Variants in RALGPS2 observed in about 807,000 individuals in gnomAD.
RALGPS2 encodes Ral GEF with PH domain and SH3 binding motif 2.
In RALGPS2, 43 loss-of-function variants were observed where a neutral mutation model predicts 86.8. That is an observed-to-expected ratio of 0.50 (90% confidence interval 0.39 to 0.64). The LOEUF (loss-of-function observed/expected upper bound fraction) is 0.64. Among genes scored for constraint, RALGPS2 ranks in the 30% least tolerant of loss-of-function variants. RALGPS2 has a pLI of 0.00. For synonymous variants in RALGPS2, 243 were observed against 231.3 expected, an observed-to-expected ratio of 1.05 and a Z score of -0.46; for missense variants, 536 against 694.6, an observed-to-expected ratio of 0.77 and a Z score of 2.57.
At chr1:178,905,491 C>A (rs755409071) in intron 18 of RALGPS2, among the ~76,000 whole-genome samples, 26 of 151,958 alleles carry the variant, frequency 1.7e-4, no homozygotes, top group Non-Finnish European at 3.5e-4. Flanking sequence ...GCAAGTGTAA[C>A]GGTGTTACTT....
Position 178,811,300 on chromosome 1 carries a change from A to C in RALGPS2, c.298-15A>C. 6.6e-7 allele frequency: 1 copy of C among 1,513,686 alleles called. No individual in the cohort carries two copies. Among genetic ancestry groups the C allele is most frequent in the Non-Finnish European group, 8.8e-7 (1 of 1,133,268 alleles). 93.8% of individuals were successfully genotyped at this position (1,513,686 alleles called of 1,614,324 possible). On this transcript the variant is annotated splice_polypyrimidine_tract_variant and intron_variant, in intron 5 of 19. Coordinates refer to ENST00000367635, the MANE Select transcript of RALGPS2 (RefSeq NM_152663.5). ...AAAAATCATAGTGATATTTATTTAA[A>C]ATTTTTATTTACAGGTAAGCTTTTG... is the stretch of plus-strand genomic sequence containing the variant.
intron 1 of RALGPS2, among the ~76,000 whole-genome samples, chr1:178,770,838 G>GT (rs1276426119): frequency 0.044 from 4,874 of 109,528 alleles, 291 homozygotes; most frequent in African/African-American, 0.14. Flanking sequence ...TGTTGTTGTT[G>GT]TTTTTTTTTT....
rs1558185685 is a variant in RALGPS2 at position 178,917,035 on chromosome 1, TGTA to T, written c.*680_*682del. On this transcript the variant is annotated 3_prime_UTR_variant, in exon 20 of 20. Coordinates refer to ENST00000367635, the MANE Select transcript of RALGPS2 (RefSeq NM_152663.5). ...TTTTTTAAACACTAAACTTCTGAAA[TGTA>T]GTACTGTAAGGGGAACATTATTTCC... 1 of 152,174 alleles carries T rather than the reference TGTA, an allele frequency of 6.6e-6. No individual in the cohort carries two copies. The highest frequency in any genetic ancestry group is 6.5e-5 in the Admixed American group (1 of 15,270). The allele number at this position is 152,174 out of a possible 1,614,324, so 9.4% of individuals were successfully genotyped here.
chr1:178,764,571 TA>T (rs1171570796), intron 1 of RALGPS2, among the ~76,000 whole-genome samples: 2 of 152,222 alleles, frequency 1.3e-5, no homozygotes, highest in African/African-American at 4.8e-5. Flanking sequence ...CCTGTGTACT[TA>T]AGTGTATTTT....
intron 1 of RALGPS2, among the ~76,000 whole-genome samples, chr1:178,748,227 A>G (rs1651449583): frequency 6.6e-6 from 1 of 151,366 alleles, no homozygotes; most frequent in African/African-American, 2.4e-5. Context: ...GGCTGAGGCA[A>G]GATGATCCCT....
intron 8 of RALGPS2, among the ~76,000 whole-genome samples, chr1:178,861,962 C>T (rs192955780): frequency 1.1e-3 from 162 of 151,826 alleles, no homozygotes; most frequent in African/African-American, 3.6e-3. Flanking sequence ...AACCTCCGCC[C>T]CCCAGGTTCA....
At chr1:178,780,099 A>C (rs909898022) in intron 2 of RALGPS2, among the ~76,000 whole-genome samples, 5 of 152,198 alleles carry the variant, frequency 3.3e-5, no homozygotes, top group Non-Finnish European at 5.9e-5. Context: ...TCTGCTAGCA[A>C]GACAGAAGTT....
chr1:178,790,120 T>C (rs1653880384), intron 4 of RALGPS2, among the ~76,000 whole-genome samples: 1 of 152,026 alleles, frequency 6.6e-6, no homozygotes, highest in South Asian at 2.1e-4. Flanking sequence ...GGCTAATTTT[T>C]TATTTTATTT....
At chr1:178,857,925 A>G (rs1432362625) in intron 8 of RALGPS2, among the ~76,000 whole-genome samples, 1 of 152,146 alleles carries the variant, frequency 6.6e-6, no homozygotes, top group Non-Finnish European at 1.5e-5. Flanking sequence ...TTAAAGCAAA[A>G]TAGAGAGTTC....
intron 2 of RALGPS2, among the ~76,000 whole-genome samples, chr1:178,783,545 G>A (rs900836966): frequency 3.9e-5 from 6 of 152,124 alleles, no homozygotes; most frequent in Non-Finnish European, 7.4e-5. Context: ...TACTAAAAGG[G>A]AGGAAAAGCA....
At chr1:178,788,772 C>T (rs868166546) in intron 4 of RALGPS2, among the ~76,000 whole-genome samples, 1 of 151,604 alleles carries the variant, frequency 6.6e-6, no homozygotes, top group South Asian at 2.1e-4. Flanking sequence ...GGTTTTAAGT[C>T]GCTCTTTTTT....
At chr1:178,811,714 T>C (rs1289130101) in intron 6 of RALGPS2, among the ~76,000 whole-genome samples, 1 of 152,214 alleles carries the variant, frequency 6.6e-6, no homozygotes, top group Non-Finnish European at 1.5e-5. Context: ...ATTGGACTAT[T>C]CTGCAGGTGA....
chr1:178,879,122 A>G (rs1450551120), intron 10 of RALGPS2, 130 bp downstream of exon 10: 4 of 1,323,070 alleles, frequency 3.0e-6, no homozygotes, highest in Non-Finnish European at 4.0e-6. Flanking sequence ...TACAGCAGTA[A>G]AGGTACTAAC....
intron 7 of RALGPS2, among the ~76,000 whole-genome samples, chr1:178,829,783 C>A (rs1220386551): frequency 2.6e-5 from 4 of 151,892 alleles, no homozygotes; most frequent in Admixed American, 2.6e-4. Flanking sequence ...CTCGCTCTAT[C>A]ACCCAGGCTG....
chr1:178,754,409 A>G (rs1192823978), intron 1 of RALGPS2, among the ~76,000 whole-genome samples: 2 of 152,164 alleles, frequency 1.3e-5, no homozygotes, highest in African/African-American at 4.8e-5. Flanking sequence ...AAGGCCTGAA[A>G]AGCAGGAGAG....
At chr1:178,831,622 G>A (rs187364669) in intron 7 of RALGPS2, among the ~76,000 whole-genome samples, 3,913 of 144,938 alleles carry the variant, frequency 0.027, 82 homozygotes, top group Middle Eastern at 0.057. Flanking sequence ...TATTTTGTCC[G>A]CCCCGCCCCC....
At chr1:178,766,243 C>T (rs775290049) in intron 1 of RALGPS2, among the ~76,000 whole-genome samples, 5 of 152,148 alleles carry the variant, frequency 3.3e-5, no homozygotes, top group Admixed American at 6.5e-5. Flanking sequence ...TGGCTTCAGC[C>T]GGTTCTTCCA....
rs1479541594 is a variant in RALGPS2 at position 178,885,081 on chromosome 1, G to A, written c.910G>A (p.Glu304Lys). The A allele has an allele frequency of 1.9e-6, 3 of 1,584,288 alleles. No homozygotes were observed. Among genetic ancestry groups the A allele is most frequent in the Non-Finnish European group, 2.6e-6 (3 of 1,171,826 alleles). ...AASREDLVGP[E>K]VGASPQSGRK... ...TCTTTAAATTTAACCCTTAGGTCCT[G>A]AAGTAGGAGCGTCTCCACAGAGTGG... The change falls in exon 12 of 20, where the codon GAA becomes AAA. Residue 304 changes from glutamate to lysine, a missense_variant. By Grantham distance (56) the Glu-to-Lys change is moderately conservative. Transcript: ENST00000367635.
intron 4 of RALGPS2, among the ~76,000 whole-genome samples, chr1:178,803,166 G>A (rs781091270): frequency 7.9e-5 from 12 of 152,096 alleles, no homozygotes; most frequent in African/African-American, 2.9e-4. Context: ...CTTTGACCTC[G>A]TGATTTCTTG....
Sources: allele counts gnomAD v4.1 joint callset (sites outside exome capture counted in the v4.1 genomes callset), GRCh38; gene constraint gnomAD v4.1.1; transcripts MANE v1.5; gene names NCBI Gene and HGNC (gene_info 2026-07-23, HGNC 2026-07-21).